The following SPNS2 variants were observed in gnomAD, a reference collection of about 807,000 sequenced individuals.
The protein encoded by SPNS2 is sphingosine-1-phosphate transporter SPNS2.
A neutral mutation model predicts 57.6 loss-of-function variants in SPNS2; 37 were observed. The ratio of observed to expected loss-of-function variants is 0.64; its 90% CI spans 0.49 to 0.85. The LOEUF is 0.85. Among genes scored for constraint, SPNS2 ranks in the 40% least tolerant of loss-of-function variants. The probability of loss-of-function intolerance (pLI) is 0.00; values close to 1 mark genes in which losing one functional copy is unlikely to be tolerated. For synonymous variants in SPNS2, 440 were observed against 346.9 expected (o/e 1.27, Z -2.98); for missense variants, 831 against 779.1 (o/e 1.07, Z -0.79).
rs1567585058 is a variant in SPNS2 at position 4,499,027 on chromosome 17, G to A, written c.-21G>A. The A allele has an allele frequency of 1.0e-6, 1 of 980,780 alleles. No individual in the cohort carries two copies. Among genetic ancestry groups the A allele is most frequent in the Non-Finnish European group, 1.2e-6 (1 of 827,526 alleles). 60.8% of individuals were successfully genotyped at this position (980,780 alleles called of 1,614,324 possible). A position where few individuals can be genotyped will look rare whatever the true frequency, so the allele number is the denominator to read the frequency against. ...GGGCCCCGCGCCCCCCGCGCCCCCCGCCGCCCCGATCCGGGCCGGCATGAT... is the reference window on the plus strand; with the variant it reads ...GGGCCCCGCGCCCCCCGCGCCCCCCACCGCCCCGATCCGGGCCGGCATGAT... On this transcript the variant is annotated 5_prime_UTR_variant, in exon 1 of 13. Coordinates refer to ENST00000329078, the MANE Select transcript of SPNS2 (RefSeq NM_001124758.3). The surrounding 1 kb of genome is among the most constrained non-coding windows in gnomAD (Gnocchi z 5.2).
chr17:4,513,603 G>T (rs1322844807), intron 2 of SPNS2, among the ~76,000 whole-genome samples: 1 of 152,178 alleles, frequency 6.6e-6, no homozygotes, highest in East Asian at 1.9e-4. Flanking sequence ...GGGTCCTGGG[G>T]CCTCATCGGG....
Position 4,513,328 on chromosome 17 carries a change from C to A in SPNS2, c.436+16C>A, listed in dbSNP as rs753864794. The A allele has an allele frequency of 1.9e-5, 30 of 1,613,144 alleles. No homozygotes were observed. In the South Asian group the frequency reaches 2.4e-4, roughly 13 times the overall value. ...CTGCAGTCAGGTGAGGCCCACCTCC[C>A]ACCTTCCCCCCCACGCCCAGGCGTT... On this transcript the variant is annotated intron_variant, in intron 2 of 12. Coordinates refer to ENST00000329078, the MANE Select transcript of SPNS2 (RefSeq NM_001124758.3).
rs1329672749 is a variant in SPNS2 at position 4,538,760 on chromosome 17, C to G, written c.*1312C>G. On this transcript the variant is annotated 3_prime_UTR_variant, in exon 13 of 13. Coordinates refer to ENST00000329078, the MANE Select transcript of SPNS2 (RefSeq NM_001124758.3). ...GGTGTGTAAGCAGGTGGAATACTCA[C>G]CCACCAAGCTCTGGGGTACCCCGAG... 6.9e-6 allele frequency: 5 copies of G among 721,640 alleles called. No individual in the cohort carries two copies. Among genetic ancestry groups the G allele is most frequent in the South Asian group, 2.9e-5 (2 of 67,880 alleles). 44.7% of individuals were successfully genotyped at this position (721,640 alleles called of 1,614,324 possible). A position where few individuals can be genotyped will look rare whatever the true frequency, so the allele number is the denominator to read the frequency against.
rs564821605 is a variant in SPNS2 at position 4,538,233 on chromosome 17, C to T, written c.*785C>T. ...ACCAGCCCAACTCTGCAGGGCTTCTCTCCCTGCCACCACCCCCCAAGCCAG... is the reference window on the plus strand; with the variant it reads ...ACCAGCCCAACTCTGCAGGGCTTCTTTCCCTGCCACCACCCCCCAAGCCAG... On this transcript the variant is annotated 3_prime_UTR_variant, in exon 13 of 13. Coordinates refer to ENST00000329078, the MANE Select transcript of SPNS2 (RefSeq NM_001124758.3). 1.0e-4 allele frequency: 20 copies of T among 200,812 alleles called. No individual in the cohort carries two copies. The East Asian group carries it at 1.5e-3, about 15-fold the overall frequency. 12.4% of individuals were successfully genotyped at this position (200,812 alleles called of 1,614,324 possible).
intron 5 of SPNS2, among the ~76,000 whole-genome samples, chr17:4,532,197 T>G (rs1458894212): frequency 1.3e-5 from 2 of 152,016 alleles, no homozygotes; most frequent in Admixed American, 6.6e-5. Flanking sequence ...CCTCCATCTA[T>G]CTCTGTCCAT....
At chr17:4,528,457 T>C (rs1001918848) in intron 3 of SPNS2, among the ~76,000 whole-genome samples, 6 of 152,092 alleles carry the variant, frequency 3.9e-5, no homozygotes, top group African/African-American at 1.4e-4. Flanking sequence ...CATGTCCATT[T>C]TATTTTTAAA....
At chr17:4,525,868 G>A (rs1905252012) in intron 3 of SPNS2, among the ~76,000 whole-genome samples, 2 of 152,210 alleles carry the variant, frequency 1.3e-5, no homozygotes, top group South Asian at 4.1e-4. Context: ...TGCTCAGCCA[G>A]TCATTGTTTC....
chr17:4,513,248 C>A lies in SPNS2; in HGVS notation c.372C>A (p.Gly124=). The part of the protein sequence containing the change: ...LNYLDRYTVA[G]VLLDIQQHFG... ...GAGCACCCTCTGTCTTCCCTCCAGG[C>A]GTCCTTCTGGACATCCAGCAGCACT... The change falls in exon 2 of 13, where the codon GGC becomes GGA. Residue 124 remains glycine (G), a splice_region_variant and synonymous_variant. Transcript: ENST00000329078. The A allele has an allele frequency of 6.2e-7, 1 of 1,613,910 alleles. No homozygotes were observed. The highest frequency in any genetic ancestry group is 8.5e-7 in the Non-Finnish European group (1 of 1,179,792).
At position 4,532,430 on chromosome 17, in the gene SPNS2, C is replaced by G. The variant is rs917697097; in HGVS notation, c.793-112C>G. Reference sequence around the variant, plus strand: ...TAGGAAGGCTGGGCAGATACCTGCTCAGAGGAGAAGCCTATGGCCCAGAGA... The same window carrying G: ...TAGGAAGGCTGGGCAGATACCTGCTGAGAGGAGAAGCCTATGGCCCAGAGA... On this transcript the variant is annotated intron_variant, in intron 5 of 12. Coordinates refer to ENST00000329078, the MANE Select transcript of SPNS2 (RefSeq NM_001124758.3). The G allele has an allele frequency of 9.3e-6, 14 of 1,500,524 alleles. No homozygotes were observed. In the Admixed American group the frequency reaches 2.6e-4, roughly 27 times the overall value. The allele number at this position is 1,500,524 out of a possible 1,614,324, so 93.0% of individuals were successfully genotyped here.
chr17:4,522,591 C>T (rs1905166090), intron 2 of SPNS2, among the ~76,000 whole-genome samples: 1 of 152,238 alleles, frequency 6.6e-6, no homozygotes, highest in Admixed American at 6.5e-5. Context: ...CCCTCTTTCT[C>T]TTCTCTCAGG....
At chr17:4,507,915 C>G (rs542772193) in intron 1 of SPNS2, among the ~76,000 whole-genome samples, 1 of 152,162 alleles carries the variant, frequency 6.6e-6, no homozygotes, top group South Asian at 2.1e-4. Flanking sequence ...CTTGGCCTTT[C>G]GAGGATTCTG....
intron 8 of SPNS2, 32 bp from the exon 9 acceptor site, chr17:4,533,756 C>T (rs780401968): frequency 4.2e-5 from 67 of 1,612,554 alleles, no homozygotes; most frequent in South Asian, 1.6e-4. Context: ...ATGGAGGGAC[C>T]GCTGATGGTG....
intron 6 of SPNS2, 42 bp from the exon 7 acceptor site, chr17:4,532,935 G>A (rs749213680): frequency 6.3e-7 from 1 of 1,584,854 alleles, no homozygotes; most frequent in East Asian, 2.2e-5. Context: ...GGGGGGTGAA[G>A]GAGGTCCCTG....
In SPNS2 at chr17:4,536,372, T is replaced by C; in HGVS notation, c.1553T>C (p.Phe518Ser). ...TTCGTCGTGGTCCTGGGCGGCATGT[T>C]CTTCCTCGCCACTGCGCTCTTCTTC... Reference protein sequence around the residue: ...CPFVVVLGGMFFLATALFFVS... With the variant: ...CPFVVVLGGMSFLATALFFVS... Residue 518 changes from phenylalanine (F) to serine (S), a missense_variant, in exon 11 of 13, where the codon TTC (phenylalanine) becomes TCC (serine). Phe to Ser is a radical substitution (Grantham distance 155). This residue lies in a region of SPNS2 where 526 missense variants were observed against 400.9 expected (regional missense o/e 1.31). Coordinates refer to ENST00000329078, the MANE Select transcript of SPNS2 (RefSeq NM_001124758.3). The C allele has an allele frequency of 6.2e-7, 1 of 1,609,236 alleles. No individual in the cohort carries two copies. The highest frequency in any genetic ancestry group is 8.5e-7 in the Non-Finnish European group (1 of 1,179,896).
chr17:4,509,055 C>A (rs765464872), intron 1 of SPNS2, among the ~76,000 whole-genome samples: 5 of 152,168 alleles, frequency 3.3e-5, no homozygotes, highest in Non-Finnish European at 7.4e-5. Flanking sequence ...CACCGGGGCC[C>A]ATTCATGAGG....
chr17:4,537,855 G>A lies in SPNS2; in HGVS notation c.*407G>A, dbSNP rs564218491. On this transcript the variant is annotated 3_prime_UTR_variant, in exon 13 of 13. Coordinates refer to ENST00000329078, the MANE Select transcript of SPNS2 (RefSeq NM_001124758.3). ...CCACACAACTTGCTGGGCAAAGCAC[G>A]ATCTGCAGCTTTGAAGACTCAACAG... 175 of 453,752 alleles carry A rather than the reference G, an allele frequency of 3.9e-4. 5 individuals are homozygous for A. The highest frequency in any genetic ancestry group is 2.2e-3 in the South Asian group (143 of 64,450). The allele number at this position is 453,752 out of a possible 1,614,324, so 28.1% of individuals were successfully genotyped here. A position where few individuals can be genotyped will look rare whatever the true frequency, so the allele number is the denominator to read the frequency against.
intron 3 of SPNS2, among the ~76,000 whole-genome samples, chr17:4,526,169 C>G (rs1248755766): frequency 6.6e-6 from 1 of 152,128 alleles, no homozygotes; most frequent in Admixed American, 6.5e-5. Flanking sequence ...CTCTTGAAAT[C>G]CGTGGGGTCA....
intron 1 of SPNS2, among the ~76,000 whole-genome samples, chr17:4,505,664 C>T (rs556188266): frequency 1.7e-4 from 26 of 152,328 alleles, no homozygotes; most frequent in African/African-American, 5.1e-4. Flanking sequence ...GGAAGAGCAC[C>T]GGTCTGCTCT....
At chr17:4,524,310 ACT>A (rs1298875740) in intron 2 of SPNS2, among the ~76,000 whole-genome samples, 1 of 151,712 alleles carries the variant, frequency 6.6e-6, no homozygotes, top group Non-Finnish European at 1.5e-5. Context: ...TGGCCAAGTC[ACT>A]CTCCCTCTGA....
Sources: allele counts gnomAD v4.1 joint callset (sites outside exome capture counted in the v4.1 genomes callset), GRCh38; gene constraint gnomAD v4.1.1; regional missense constraint gnomAD v4.1.1; non-coding constraint Gnocchi (gnomAD v3.1); transcripts MANE v1.5; gene names NCBI Gene and HGNC (gene_info 2026-07-23, HGNC 2026-07-21).